CHN2: variants seen among roughly 807,000 people sequenced by gnomAD.
CHN2 encodes chimerin 2.
Under a neutral mutation model 56.3 loss-of-function variants are expected in CHN2, and 35 were observed. That is an observed-to-expected ratio of 0.62 (90% CI 0.47 to 0.82). The LOEUF is 0.82. Ranked by LOEUF, CHN2 falls within the 40% of genes least tolerant of loss-of-function variation. The probability of loss-of-function intolerance (pLI) is 0.00; values close to 1 mark genes in which losing one functional copy is unlikely to be tolerated. For missense variants in CHN2, 491 were observed against 580.5 expected (o/e 0.85, Z 1.58); for synonymous variants, 210 against 212.8 (o/e 0.99, Z 0.12).
intron 6 of CHN2, among the ~76,000 whole-genome samples, chr7:29,435,003 G>C (rs1783118190): frequency 6.6e-6 from 1 of 152,058 alleles, no homozygotes. Context: ...GAGTTAGGAG[G>C]ATAGCTTAAG....
chr7:29,176,202 A>G (rs1048349729), intron 2 of CHN2, among the ~76,000 whole-genome samples: 1 of 151,746 alleles, frequency 6.6e-6, no homozygotes, highest in African/African-American at 2.4e-5. Flanking sequence ...AAAAAAACAG[A>G]TAAAAGAAAA....
At position 29,499,845 on chromosome 7, in the gene CHN2, A is replaced by C. The variant is rs192502326; in HGVS notation, c.740-22A>C. On this transcript the variant is annotated intron_variant, in intron 8 of 12. Transcript: ENST00000222792. ...TTTGACAAAAGGGCTGGGCTAGGCTAATGTGGCTTCTTTGTTTACAGACTG... is the reference window on the plus strand; with the variant it reads ...TTTGACAAAAGGGCTGGGCTAGGCTCATGTGGCTTCTTTGTTTACAGACTG... 3.9e-6 allele frequency: 6 copies of C among 1,544,576 alleles called. No individual in the cohort carries two copies. The African/African-American group carries it at 8.3e-5, about 21-fold the overall frequency.
chr7:29,203,606 A>G (rs1784318347), intron 1 of CHN2, among the ~76,000 whole-genome samples: 1 of 151,942 alleles, frequency 6.6e-6, no homozygotes. Context: ...CTTACATTAT[A>G]TTTGTATTGG....
At chr7:29,171,360 C>A (rs1796581010) in intron 2 of CHN2, among the ~76,000 whole-genome samples, 1 of 152,146 alleles carries the variant, frequency 6.6e-6, no homozygotes, top group African/African-American at 2.4e-5. Context: ...TGTGGGGATA[C>A]AAACCAACAT....
intron 5 of CHN2, among the ~76,000 whole-genome samples, chr7:29,399,299 C>T (rs759508008): frequency 4.6e-5 from 7 of 152,196 alleles, no homozygotes; most frequent in Non-Finnish European, 8.8e-5. Context: ...TTCACCTGGC[C>T]TTGCACGTGC....
At chr7:29,406,067 G>T (rs1393173569) in intron 6 of CHN2, among the ~76,000 whole-genome samples, 2 of 152,224 alleles carry the variant, frequency 1.3e-5, no homozygotes, top group Non-Finnish European at 2.9e-5. Flanking sequence ...GTGACTCTGT[G>T]CTCATCAGAG....
chr7:29,188,149 C>T (rs1014627876), intron 2 of CHN2, among the ~76,000 whole-genome samples: 45 of 152,304 alleles, frequency 3.0e-4, no homozygotes, highest in African/African-American at 1.0e-3. Flanking sequence ...GCACGCTATA[C>T]TTTGCTCTAA....
intron 6 of CHN2, among the ~76,000 whole-genome samples, chr7:29,439,818 A>T (rs1783499829): frequency 1.3e-5 from 2 of 152,186 alleles, no homozygotes; most frequent in Admixed American, 1.3e-4. Context: ...ACTAACAGTA[A>T]CTCACACTTG....
chr7:29,392,681 C>T (rs972158410), intron 3 of CHN2, among the ~76,000 whole-genome samples: 1 of 152,158 alleles, frequency 6.6e-6, no homozygotes, highest in African/African-American at 2.4e-5. Flanking sequence ...ATCTGCATCC[C>T]TTGGAGGATG....
At chr7:29,339,070 C>T (rs1796837900) in intron 1 of CHN2, among the ~76,000 whole-genome samples, 1 of 152,016 alleles carries the variant, frequency 6.6e-6, no homozygotes, top group Non-Finnish European at 1.5e-5. Context: ...TATTTTGAAC[C>T]CTCAATTACA....
chr7:29,429,009 C>T (rs911067412), intron 6 of CHN2, among the ~76,000 whole-genome samples: 1 of 152,148 alleles, frequency 6.6e-6, no homozygotes. Context: ...CACATCATTT[C>T]CACTCGCATT....
intron 2 of CHN2, among the ~76,000 whole-genome samples, chr7:29,181,726 G>C (rs1356909058): frequency 6.6e-6 from 1 of 152,082 alleles, no homozygotes; most frequent in Non-Finnish European, 1.5e-5. Context: ...AAATAAAGTA[G>C]ACACTAATGA....
At chr7:29,330,198 T>C (rs1177243761) in intron 1 of CHN2, among the ~76,000 whole-genome samples, 1 of 152,254 alleles carries the variant, frequency 6.6e-6, no homozygotes, top group Non-Finnish European at 1.5e-5. Flanking sequence ...CCTAAAGTCA[T>C]CTTGAAATGT....
chr7:29,194,650 C>G (rs1056009490), upstream of CHN2: 2 of 324,132 alleles, frequency 6.2e-6, no homozygotes, highest in Non-Finnish European at 1.1e-5. Flanking sequence ...GAGATCCGCC[C>G]GTCCCGGCTG....
chr7:29,381,596 G>A (rs1800510030), intron 3 of CHN2, among the ~76,000 whole-genome samples: 1 of 151,950 alleles, frequency 6.6e-6, no homozygotes, highest in South Asian at 2.1e-4. Flanking sequence ...CTGCCAAGGT[G>A]TCCTAAGCTT....
chr7:29,301,355 AC>A (rs1793642088), intron 1 of CHN2, among the ~76,000 whole-genome samples: 3 of 140,770 alleles, frequency 2.1e-5, no homozygotes, highest in Non-Finnish European at 3.1e-5. Context: ...ACACACACAC[AC>A]ACACACACAC....
chr7:29,512,702 G>C lies in CHN2; in HGVS notation c.1374G>C (p.Gln458His). The C allele has an allele frequency of 6.2e-7, 1 of 1,614,182 alleles. No individual in the cohort carries two copies. The highest frequency in any genetic ancestry group is 1.3e-5 in the African/African-American group (1 of 75,058). ...HDMRYQKLIV[Q>H]ILIENEDVLF ...TGCGGTACCAAAAGCTGATTGTGCA[G>C]ATTTTAATAGAAAACGAAGACGTTT... Residue 458 changes from glutamine (Q) to histidine (H), a missense_variant, in exon 13 of 13, where the codon CAG becomes CAC. By Grantham distance (24) the Gln-to-His change is conservative. Coordinates refer to ENST00000222792, the MANE Select transcript of CHN2 (RefSeq NM_004067.4).
intron 2 of CHN2, among the ~76,000 whole-genome samples, chr7:29,357,612 A>T (rs745859197): frequency 1.3e-5 from 2 of 152,216 alleles, no homozygotes; most frequent in Non-Finnish European, 2.9e-5. Context: ...GACAGATGTA[A>T]ACCAATAAAC....
intron 6 of CHN2, among the ~76,000 whole-genome samples, chr7:29,447,050 A>G (rs1585422319): frequency 6.6e-6 from 1 of 152,252 alleles, no homozygotes; most frequent in South Asian, 2.1e-4. Context: ...TGGGAATACA[A>G]ACATACCCAG....
Sources: allele counts gnomAD v4.1 joint callset (sites outside exome capture counted in the v4.1 genomes callset), GRCh38; gene constraint gnomAD v4.1.1; transcripts MANE v1.5; gene names NCBI Gene and HGNC (gene_info 2026-07-23, HGNC 2026-07-21).